The following SDK1 variants were observed in gnomAD, a reference collection of about 807,000 sequenced individuals.
SDK1 encodes the protein protein sidekick-1.
Under a neutral mutation model 245.5 loss-of-function variants are expected in SDK1, and 157 were observed. The ratio of observed to expected loss-of-function variants is 0.64; its 90% CI spans 0.56 to 0.73. SDK1 has a LOEUF of 0.73. SDK1 is among the 30% of genes least tolerant of loss of function. The pLI is 0.00. For missense variants in SDK1, 3,583 were observed against 3,002.3 expected, an observed-to-expected ratio of 1.19 and a Z score of -4.52; for synonymous variants, 1,647 against 1,278.5, an observed-to-expected ratio of 1.29 and a Z score of -6.15.
intron 33 of SDK1, among the ~76,000 whole-genome samples, chr7:4,175,255 A>G (rs1782123147): frequency 6.6e-6 from 1 of 152,166 alleles, no homozygotes; most frequent in African/African-American, 2.4e-5. Flanking sequence ...GCACACCCCA[A>G]AGGTGGCCCT....
rs747244419 is a variant in SDK1 at position 3,644,179 on chromosome 7, G to C, written c.713+2074G>C. On this transcript the variant is annotated intron_variant, in intron 4 of 44. Transcript: ENST00000404826. ...GGCCTCCCAAAGTGCTGGGATTACA[G>C]GCATGAGCCACCACTTAAGCTTATT... 2.7e-5 allele frequency among the ~76,000 whole-genome samples: 4 copies of C among 150,484 alleles called. 1 individual carries two copies. Among genetic ancestry groups the C allele is most frequent in the African/African-American group, 9.8e-5 (4 of 41,012 alleles).
intron 13 of SDK1, among the ~76,000 whole-genome samples, chr7:3,981,290 C>G (rs923356992): frequency 1.3e-5 from 2 of 152,182 alleles, no homozygotes; most frequent in Admixed American, 1.3e-4. Flanking sequence ...CTATAAATGC[C>G]TTGTGTGTTC....
chr7:3,994,657 A>T (rs969432305), intron 14 of SDK1, among the ~76,000 whole-genome samples: 1 of 151,748 alleles, frequency 6.6e-6, no homozygotes, highest in Non-Finnish European at 1.5e-5. Flanking sequence ...AAAAAAAAAA[A>T]AGAGAAAAAC....
intron 4 of SDK1, among the ~76,000 whole-genome samples, chr7:3,721,780 G>C (rs976160635): frequency 6.6e-6 from 1 of 152,196 alleles, no homozygotes; most frequent in African/African-American, 2.4e-5. Context: ...ACCCAGAGCT[G>C]AGAGCTTGTA....
chr7:3,967,875 G>T (rs1457018043), intron 10 of SDK1, among the ~76,000 whole-genome samples: 2 of 152,220 alleles, frequency 1.3e-5, no homozygotes, highest in African/African-American at 4.8e-5. Context: ...AGGGCTTGGG[G>T]ACCCCTGATT....
In SDK1 at chr7:3,672,796, A is replaced by ATATATATATATATATATAT. The variant is rs1554307151; in HGVS notation, c.713+30691_713+30692insTATATATATATATATATAT. 2.0e-3 allele frequency among the ~76,000 whole-genome samples: 105 copies of ATATATATATATATATATAT among 53,266 alleles called. 1 individual carries two copies. The highest frequency in any genetic ancestry group is 2.8e-3 in the Non-Finnish European group (82 of 29,166). 34.9% of individuals were successfully genotyped at this position (53,266 alleles called of 152,430 possible). A position where few individuals can be genotyped will look rare whatever the true frequency, so the allele number is the denominator to read the frequency against. ...ATATATATATATATATATATATATA[A>ATATATATATATATATATAT]AAAATACAGAAAGCTCTAAGTATGC... is the stretch of plus-strand genomic sequence containing the variant. On this transcript the variant is annotated intron_variant, in intron 4 of 44. Transcript: ENST00000404826.
chr7:3,853,101 G>C (rs941155102), intron 5 of SDK1, among the ~76,000 whole-genome samples: 1 of 151,908 alleles, frequency 6.6e-6, no homozygotes, highest in Non-Finnish European at 1.5e-5. Flanking sequence ...CACGTACGCA[G>C]GCTTCACATC....
chr7:3,548,661 G>C lies in SDK1; in HGVS notation c.299-70419G>C, dbSNP rs566922682. Among the ~76,000 whole-genome samples, 6 of 152,292 alleles carry C rather than the reference G, an allele frequency of 3.9e-5. No homozygotes were observed. In the South Asian group the frequency reaches 1.2e-3, roughly 32 times the overall value. ...AAATAAACTTCCAGATTGCTCTCCA[G>C]AAAGGCTGTGCTAAATTAGTGACTT... is the stretch of plus-strand genomic sequence containing the variant. On this transcript the variant is annotated intron_variant, in intron 1 of 44. Coordinates refer to ENST00000404826, the MANE Select transcript of SDK1 (RefSeq NM_152744.4).
chr7:3,622,227 C>G (rs1781964198), intron 2 of SDK1, among the ~76,000 whole-genome samples: 1 of 152,198 alleles, frequency 6.6e-6, no homozygotes, highest in South Asian at 2.1e-4. Context: ...CCTGTAATCT[C>G]AGCACTTTGG....
At chr7:3,970,246 C>A (rs1282684232) in intron 11 of SDK1, among the ~76,000 whole-genome samples, 1 of 152,194 alleles carries the variant, frequency 6.6e-6, no homozygotes, top group South Asian at 2.1e-4. Flanking sequence ...AAACGTTATT[C>A]TTCCAGAAAA....
rs879940672 is a variant in SDK1 at position 4,026,174 on chromosome 7, G to A, written c.2602+8822G>A. Reference sequence around the variant, plus strand: ...CCACGGCTGGAGAGGGGAGCTGGTCGTGGGAAGAGTGGAAGAGAAACCACA... The same window carrying A: ...CCACGGCTGGAGAGGGGAGCTGGTCATGGGAAGAGTGGAAGAGAAACCACA... On this transcript the variant is annotated intron_variant, in intron 17 of 44. Transcript: ENST00000404826. This position sits in a 1 kb window ranked among gnomAD's most constrained non-coding sequence, Gnocchi z 4.1. Among the ~76,000 whole-genome samples the A allele has an allele frequency of 1.1e-4, 16 of 152,216 alleles. No homozygotes were observed. The highest frequency in any genetic ancestry group is 2.1e-4 in the Non-Finnish European group (14 of 68,054).
chr7:3,672,794 TAA>T (rs1221003792), intron 4 of SDK1, among the ~76,000 whole-genome samples: 1,208 of 65,316 alleles, frequency 0.018, 73 homozygotes, highest in Non-Finnish European at 0.026. Context: ...TATATATATA[TAA>T]AAAATACAGA....
At chr7:4,017,096 C>T (rs548103995) in intron 16 of SDK1, 75 bp from the exon 17 acceptor site, 35 of 1,405,370 alleles carry the variant, frequency 2.5e-5, no homozygotes, top group African/African-American at 1.1e-4. Flanking sequence ...CCTAACCCTG[C>T]GGAATAACTG....
At chr7:3,329,401 A>G (rs73046658) in intron 1 of SDK1, among the ~76,000 whole-genome samples, 15,790 of 152,246 alleles carry the variant, frequency 0.1, 1,032 homozygotes, top group African/African-American at 0.18. Flanking sequence ...TAATTCATCT[A>G]TTGAAAGTGT....
rs181723653 is a variant in SDK1, at chr7:3,388,412, A to G, written c.298+86528A>G. On this transcript the variant is annotated intron_variant, in intron 1 of 44. Transcript: ENST00000404826. ...ATTAAAAAAAAAAAAGGAAAATTTTATTTGAAGAGACTGGGTCTCATTTTG... is the reference window on the plus strand; with the variant it reads ...ATTAAAAAAAAAAAAGGAAAATTTTGTTTGAAGAGACTGGGTCTCATTTTG... 3.6e-3 allele frequency among the ~76,000 whole-genome samples: 546 copies of G among 151,750 alleles called. 17 individuals carry two copies. Among genetic ancestry groups the G allele is most frequent in the Admixed American group, 0.029 (440 of 15,198 alleles).
At chr7:3,377,596 T>C (rs1211264278) in intron 1 of SDK1, among the ~76,000 whole-genome samples, 2 of 152,054 alleles carry the variant, frequency 1.3e-5, no homozygotes, top group African/African-American at 4.8e-5. Context: ...CTGTGTCTGT[T>C]GTAACAGTTC....
At chr7:3,306,942 A>G (rs951779126) in intron 1 of SDK1, among the ~76,000 whole-genome samples, 2 of 152,190 alleles carry the variant, frequency 1.3e-5, no homozygotes, top group Admixed American at 6.5e-5. Flanking sequence ...CTAAGAAGTA[A>G]AGAAAGTGGT....
At chr7:4,042,645 T>C (rs1788716406) in intron 17 of SDK1, among the ~76,000 whole-genome samples, 1 of 91,810 alleles carries the variant, frequency 1.1e-5, no homozygotes, top group South Asian at 3.0e-4. Context: ...GAAGTGTCCC[T>C]TGAGGCTTAG....
intron 4 of SDK1, among the ~76,000 whole-genome samples, chr7:3,798,055 G>A (rs1334076466): frequency 6.6e-6 from 1 of 151,796 alleles, no homozygotes; most frequent in South Asian, 2.1e-4. Context: ...AATTTTCATT[G>A]GTACAGTACC....
Sources: allele counts gnomAD v4.1 joint callset (sites outside exome capture counted in the v4.1 genomes callset), GRCh38; gene constraint gnomAD v4.1.1; non-coding constraint Gnocchi (gnomAD v3.1); transcripts MANE v1.5; gene names NCBI Gene and HGNC (gene_info 2026-07-23, HGNC 2026-07-21).